The following SORCS2 variants were observed in gnomAD, a reference collection of about 807,000 sequenced individuals.
The protein encoded by SORCS2 is VPS10 domain-containing receptor SorCS2.
SORCS2 carries 100 observed loss-of-function variants against 141.6 expected under a neutral mutation model. That is an observed-to-expected ratio of 0.71 (90% CI 0.60 to 0.83). The LOEUF (loss-of-function observed/expected upper bound fraction) is 0.83, where lower values mean the gene tolerates loss of function less well. Ranked by LOEUF, SORCS2 falls within the 40% of genes least tolerant of loss-of-function variation. The pLI is 0.00. For missense variants in SORCS2, 1,646 were observed against 1,560.2 expected (o/e 1.05, Z -0.93); for synonymous variants, 789 against 676.9 (o/e 1.17, Z -2.57).
chr4:7,555,729 A>G (rs1410693333), intron 3 of SORCS2, among the ~76,000 whole-genome samples: 1 of 152,220 alleles, frequency 6.6e-6, no homozygotes, highest in East Asian at 1.9e-4. Context: ...GTTGCTCTAG[A>G]AGGGGATCAT....
intron 1 of SORCS2, among the ~76,000 whole-genome samples, chr4:7,395,828 T>G (rs1201302814): frequency 6.6e-6 from 1 of 152,148 alleles, no homozygotes. Context: ...TGCTCTGGTC[T>G]TGGGTGGCAG....
At chr4:7,394,043 T>G (rs1213286826) in intron 1 of SORCS2, among the ~76,000 whole-genome samples, 2 of 151,414 alleles carry the variant, frequency 1.3e-5, no homozygotes, top group African/African-American at 4.9e-5. Context: ...CCTCCTTGTT[T>G]CAGCCCTGGG....
intron 1 of SORCS2, among the ~76,000 whole-genome samples, chr4:7,265,021 C>T (rs900132482): frequency 1.1e-4 from 16 of 152,248 alleles, no homozygotes; most frequent in Admixed American, 2.0e-4. Context: ...GCTTCTATGC[C>T]GCCCTGGCGC....
intron 3 of SORCS2, among the ~76,000 whole-genome samples, chr4:7,539,018 C>T (rs1712353630): frequency 6.6e-6 from 1 of 152,204 alleles, no homozygotes. Flanking sequence ...TGCTCATGGG[C>T]CATTGCACAG....
chr4:7,499,692 G>A (rs867359519), intron 2 of SORCS2, among the ~76,000 whole-genome samples: 3 of 103,246 alleles, frequency 2.9e-5, no homozygotes, highest in Non-Finnish European at 5.4e-5. Context: ...GCCATGCCCC[G>A]GGAGACCCTT....
At chr4:7,583,683 T>C (rs1471180099) in intron 3 of SORCS2, among the ~76,000 whole-genome samples, 2 of 152,246 alleles carry the variant, frequency 1.3e-5, no homozygotes, top group African/African-American at 2.4e-5. Context: ...CCACGTAAGA[T>C]GTGCTTTTCA....
intron 3 of SORCS2, among the ~76,000 whole-genome samples, chr4:7,588,825 G>T (rs1008343762): frequency 6.6e-6 from 1 of 152,212 alleles, no homozygotes; most frequent in African/African-American, 2.4e-5. Context: ...GTATGAGCAA[G>T]ACTTTTTTTG....
chr4:7,728,593 T>A (rs139416378), intron 22 of SORCS2, 131 bp downstream of exon 22: 32 of 626,416 alleles, frequency 5.1e-5, no homozygotes, highest in Non-Finnish European at 7.7e-5. Context: ...GCTCTGGTCT[T>A]CGGGCCAGCT....
At chr4:7,268,818 T>C (rs1300616938) in intron 1 of SORCS2, among the ~76,000 whole-genome samples, 1 of 152,154 alleles carries the variant, frequency 6.6e-6, no homozygotes, top group African/African-American at 2.4e-5. Context: ...CCCATGGGCA[T>C]CCCAGGGAGA....
intron 3 of SORCS2, among the ~76,000 whole-genome samples, chr4:7,543,688 C>A (rs955397897): frequency 2.3e-5 from 2 of 85,136 alleles, no homozygotes; most frequent in Non-Finnish European, 5.5e-5. Context: ...ACCCATCCAC[C>A]CATCCACCCA....
intron 2 of SORCS2, among the ~76,000 whole-genome samples, chr4:7,456,999 C>T (rs966405816): frequency 3.3e-5 from 5 of 152,104 alleles, no homozygotes; most frequent in African/African-American, 1.2e-4. Context: ...AGGGTGAAGG[C>T]CGAGCCTGAC....
Position 7,724,616 on chromosome 4 carries a change from TGAG to T in SORCS2, c.2612-535_2612-533del, listed in dbSNP as rs1377055243. 1.0e-3 allele frequency among the ~76,000 whole-genome samples: 117 copies of T among 117,440 alleles called. 8 individuals carry two copies. The highest frequency in any genetic ancestry group is 3.6e-3 in the African/African-American group (108 of 30,260). 77.0% of individuals were successfully genotyped at this position (117,440 alleles called of 152,430 possible). A position where few individuals can be genotyped will look rare whatever the true frequency, so the allele number is the denominator to read the frequency against. On this transcript the variant is annotated intron_variant, in intron 19 of 26. Coordinates refer to ENST00000507866, the MANE Select transcript of SORCS2 (RefSeq NM_020777.3). ...TTGGTGATGGTGGTGATAGTGCTGG[TGAG>T]GATGGTGATGGTGGTGATGGTGGAG...
intron 1 of SORCS2, among the ~76,000 whole-genome samples, chr4:7,293,291 A>C (rs1263622214): frequency 3.3e-5 from 5 of 151,264 alleles, no homozygotes; most frequent in Non-Finnish European, 7.4e-5. Flanking sequence ...GCGAAAGAGC[A>C]AGACTCCATC....
intron 1 of SORCS2, 95 bp from the exon 2 acceptor site, chr4:7,396,193 C>T (rs915156056): frequency 2.5e-6 from 3 of 1,201,640 alleles, no homozygotes; most frequent in Non-Finnish European, 3.6e-6. Flanking sequence ...TATTTAGAGA[C>T]CCCAAATTCT....
intron 14 of SORCS2, among the ~76,000 whole-genome samples, chr4:7,708,920 C>T (rs1360099354): frequency 6.6e-6 from 1 of 152,176 alleles, no homozygotes; most frequent in Non-Finnish European, 1.5e-5. Flanking sequence ...TGCCGTTTTC[C>T]CTGAACAGTT....
rs528150803 is a variant in SORCS2 at position 7,416,901 on chromosome 4, C to T, written c.548+20546C>T. Among the ~76,000 whole-genome samples the T allele has an allele frequency of 1.8e-4, 28 of 152,260 alleles. No homozygotes were observed. In the East Asian group the frequency reaches 3.9e-3, roughly 21 times the overall value. ...ACACACACATATGCATGCACACACA[C>T]GTGTGCAGACACACTGACACATTCA... On this transcript the variant is annotated intron_variant, in intron 2 of 26. Coordinates refer to ENST00000507866, the MANE Select transcript of SORCS2 (RefSeq NM_020777.3).
chr4:7,656,322 T>C (rs1721773619), intron 5 of SORCS2, among the ~76,000 whole-genome samples: 1 of 146,794 alleles, frequency 6.8e-6, no homozygotes, highest in African/African-American at 2.5e-5. Context: ...GCCCTCAGTG[T>C]CTCCACGCCC....
chr4:7,232,794 G>C (rs1359757651), intron 1 of SORCS2, among the ~76,000 whole-genome samples: 2 of 152,168 alleles, frequency 1.3e-5, no homozygotes, highest in Non-Finnish European at 2.9e-5. Context: ...GGATGCCATG[G>C]GGGTGCCCAG....
chr4:7,629,647 C>A (rs1719751670), intron 3 of SORCS2, among the ~76,000 whole-genome samples: 1 of 152,018 alleles, frequency 6.6e-6, no homozygotes, highest in South Asian at 2.1e-4. Flanking sequence ...TCCTGCCATG[C>A]CTGGATGAGC....
Sources: allele counts gnomAD v4.1 joint callset (sites outside exome capture counted in the v4.1 genomes callset), GRCh38; gene constraint gnomAD v4.1.1; transcripts MANE v1.5; gene names NCBI Gene and HGNC (gene_info 2026-07-23, HGNC 2026-07-21).